Variants in GPM6A observed in about 807,000 individuals in gnomAD.
GPM6A encodes neuronal membrane glycoprotein M6-a.
Under a neutral mutation model 32.1 loss-of-function variants are expected in GPM6A, and 7 were observed. The ratio of observed to expected loss-of-function variants is 0.22; its 90% CI spans 0.12 to 0.41. The LOEUF is 0.41. GPM6A is among the 10% of genes least tolerant of loss of function. The pLI, the probability that GPM6A is intolerant of heterozygous loss-of-function variation, is 1.00. For synonymous variants in GPM6A, 130 were observed against 123.4 expected (o/e 1.05, Z -0.35); for missense variants, 235 against 347.2 (o/e 0.68, Z 2.57).
At chr4:175,994,211 C>T (rs191807183) in intron 1 of GPM6A, among the ~76,000 whole-genome samples, 90 of 152,178 alleles carry the variant, frequency 5.9e-4, no homozygotes, top group African/African-American at 2.1e-3. Context: ...GAGAACATCA[C>T]CCAAGAAGGC....
At chr4:175,657,650 G>T (rs1448345495) in intron 3 of GPM6A, among the ~76,000 whole-genome samples, 4 of 152,130 alleles carry the variant, frequency 2.6e-5, no homozygotes, top group Non-Finnish European at 4.4e-5. Context: ...ACATGAGCCA[G>T]ATATCTAAAT....
At chr4:175,986,317 T>C (rs1408202156) in intron 1 of GPM6A, among the ~76,000 whole-genome samples, 2 of 152,146 alleles carry the variant, frequency 1.3e-5, no homozygotes, top group African/African-American at 4.8e-5. Flanking sequence ...AGAGAATTGC[T>C]TGAGGCCAAA....
chr4:175,999,193 T>G (rs185009832), intron 1 of GPM6A, among the ~76,000 whole-genome samples: 108 of 152,382 alleles, frequency 7.1e-4, no homozygotes, highest in African/African-American at 2.5e-3. Flanking sequence ...CATAGTGATA[T>G]ACATGTAGTC....
At chr4:175,741,722 T>C (rs1731895424) in intron 1 of GPM6A, among the ~76,000 whole-genome samples, 1 of 152,144 alleles carries the variant, frequency 6.6e-6, no homozygotes, top group South Asian at 2.1e-4. Flanking sequence ...GTCTCATTTA[T>C]CTACTTGTCT....
intron 4 of GPM6A, among the ~76,000 whole-genome samples, chr4:175,644,761 T>G (rs184811812): frequency 2.6e-5 from 4 of 152,256 alleles, no homozygotes; most frequent in Admixed American, 2.0e-4. Context: ...AGCTGAAAGG[T>G]GCAGACTGAT....
chr4:175,959,282 C>T (rs1483800326), intron 1 of GPM6A, among the ~76,000 whole-genome samples: 2 of 152,254 alleles, frequency 1.3e-5, no homozygotes, highest in South Asian at 2.1e-4. Context: ...CTTCATTCTG[C>T]ACAGCTTAAC....
At chr4:175,757,475 T>A (rs910051613) in intron 1 of GPM6A, among the ~76,000 whole-genome samples, 14 of 152,146 alleles carry the variant, frequency 9.2e-5, no homozygotes, top group Non-Finnish European at 1.9e-4. Flanking sequence ...TTGCTTTATG[T>A]CACTAAAATG....
intron 1 of GPM6A, among the ~76,000 whole-genome samples, chr4:175,791,464 C>T (rs1734010819): frequency 6.6e-6 from 1 of 152,124 alleles, no homozygotes; most frequent in African/African-American, 2.4e-5. Context: ...CAATTTGGAG[C>T]TTGCTTCATT....
At chr4:175,671,984 GA>G (rs773227963) in intron 3 of GPM6A, among the ~76,000 whole-genome samples, 53 of 109,682 alleles carry the variant, frequency 4.8e-4, no homozygotes, top group African/African-American at 7.3e-4. Flanking sequence ...TACCATTATA[GA>G]AAAAAAAAAA....
chr4:175,951,035 A>G (rs1215904470), intron 1 of GPM6A, among the ~76,000 whole-genome samples: 1 of 152,118 alleles, frequency 6.6e-6, no homozygotes, highest in Non-Finnish European at 1.5e-5. Flanking sequence ...GGCTTCTGTT[A>G]TACTGAATGC....
intron 1 of GPM6A, among the ~76,000 whole-genome samples, chr4:175,955,411 A>G (rs776515885): frequency 6.6e-6 from 1 of 152,232 alleles, no homozygotes; most frequent in Non-Finnish European, 1.5e-5. Context: ...TCCCAGCTGC[A>G]TAAGTTTCTA....
intron 1 of GPM6A, among the ~76,000 whole-genome samples, chr4:175,905,893 T>C (rs562127176): frequency 2.4e-4 from 37 of 152,306 alleles, no homozygotes; most frequent in African/African-American, 8.7e-4. Flanking sequence ...TTTTACTAAA[T>C]ATCAGCACTT....
At chr4:175,664,766 C>T (rs1405357102) in intron 3 of GPM6A, among the ~76,000 whole-genome samples, 2 of 152,178 alleles carry the variant, frequency 1.3e-5, no homozygotes, top group African/African-American at 2.4e-5. Context: ...GCCCCTTTTA[C>T]TCACTAATTT....
At chr4:175,952,321 A>G (rs551029961) in intron 1 of GPM6A, among the ~76,000 whole-genome samples, 1 of 152,320 alleles carries the variant, frequency 6.6e-6, no homozygotes, top group South Asian at 2.1e-4. Flanking sequence ...TTCTATGTAC[A>G]CTTCAAAGCT....
chr4:175,916,004 G>A (rs1289537188), intron 1 of GPM6A, among the ~76,000 whole-genome samples: 1 of 152,186 alleles, frequency 6.6e-6, no homozygotes, highest in African/African-American at 2.4e-5. Flanking sequence ...GATGTGTCAT[G>A]CTCACCATTC....
At chr4:175,930,025 A>G (rs559201741) in intron 1 of GPM6A, among the ~76,000 whole-genome samples, 1 of 152,290 alleles carries the variant, frequency 6.6e-6, no homozygotes, top group African/African-American at 2.4e-5. Context: ...GCTAAAGGAA[A>G]AGCTAAAAAT....
chr4:175,974,470 C>T (rs537557759), intron 1 of GPM6A, among the ~76,000 whole-genome samples: 12 of 152,182 alleles, frequency 7.9e-5, no homozygotes, highest in Non-Finnish European at 1.3e-4. Context: ...ATTCTCCAGC[C>T]TCAGCCTCCT....
At chr4:175,840,406 G>C (rs1048563881) in intron 1 of GPM6A, among the ~76,000 whole-genome samples, 1 of 152,194 alleles carries the variant, frequency 6.6e-6, no homozygotes, top group African/African-American at 2.4e-5. Context: ...GTCCGGGTGC[G>C]GTGGCTCACG....
At chr4:175,907,193 C>A (rs1408451479) in intron 1 of GPM6A, 1 of 152,228 alleles carries the variant, frequency 6.6e-6, no homozygotes, top group Non-Finnish European at 1.5e-5. Context: ...GTTTTTCTCT[C>A]CTACATGCCA....
Sources: allele counts gnomAD v4.1 joint callset (sites outside exome capture counted in the v4.1 genomes callset), GRCh38; gene constraint gnomAD v4.1.1; transcripts MANE v1.5; gene names NCBI Gene and HGNC (gene_info 2026-07-23, HGNC 2026-07-21).